The following TLR6 variants were observed in gnomAD, a reference collection of about 807,000 sequenced individuals.
TLR6 encodes the protein toll like receptor 6.
TLR6 carries 9 observed loss-of-function variants against 16.1 expected under a neutral mutation model. The ratio of observed to expected loss-of-function variants is 0.56; its 90% CI spans 0.34 to 0.98. The LOEUF (loss-of-function observed/expected upper bound fraction) is 0.98, where lower values mean the gene tolerates loss of function less well. Among genes scored for constraint, TLR6 ranks in the 50% least tolerant of loss-of-function variants. The pLI, the probability that TLR6 is intolerant of heterozygous loss-of-function variation, is 0.02. For synonymous variants in TLR6, 340 were observed against 338.6 expected (o/e 1.00, Z -0.04); for missense variants, 786 against 921.0 (o/e 0.85, Z 1.90).
chr4:38,855,994 A>G (rs1044437355), intron 1 of TLR6, among the ~76,000 whole-genome samples: 1 of 151,800 alleles, frequency 6.6e-6, no homozygotes, highest in East Asian at 1.9e-4. Context: ...ACTACAAGGA[A>G]GAAGAGAGCA....
At chr4:38,850,587 T>G (rs80319965) in intron 1 of TLR6, among the ~76,000 whole-genome samples, 4,732 of 152,106 alleles carry the variant, frequency 0.031, 217 homozygotes, top group African/African-American at 0.087. Context: ...TACCATCAGA[T>G]AATACTATAA....
At chr4:38,852,387 A>C (rs1295769411) in intron 1 of TLR6, among the ~76,000 whole-genome samples, 4 of 152,310 alleles carry the variant, frequency 2.6e-5, no homozygotes, top group Non-Finnish European at 5.9e-5. Context: ...AATGGGATCT[A>C]ATTAAACTAA....
upstream of TLR6, among the ~76,000 whole-genome samples, chr4:38,858,837 A>G (rs867736144): frequency 0.022 from 619 of 27,790 alleles, 3 homozygotes; most frequent in Middle Eastern, 0.067. Flanking sequence ...GAGAGGAAGA[A>G]AGAAAGAAAG....
At chr4:38,830,146 A>G (rs5743806) in intron 1 of TLR6, among the ~76,000 whole-genome samples, 61,183 of 152,084 alleles carry the variant, frequency 0.4, 13,709 homozygotes, top group African/African-American at 0.61. Flanking sequence ...TGAAGGCTAA[A>G]GCAGAGCTGT....
At chr4:38,823,278 A>G (rs956678925), downstream of TLR6, among the ~76,000 whole-genome samples, 1 of 152,232 alleles carries the variant, frequency 6.6e-6, no homozygotes, top group Non-Finnish European at 1.5e-5. Context: ...ATGTTTGGAT[A>G]CACAAATACT....
At chr4:38,864,629 G>A in the TLR6 span, among the ~76,000 whole-genome samples, 3 of 152,230 alleles carry the variant, frequency 2.0e-5, no homozygotes, top group African/African-American at 7.2e-5. Context: ...GTTAACAAGT[G>A]TACAGGATGT....
chr4:38,829,638 T>C (rs1018665730), intron 1 of TLR6, 101 bp from the exon 2 acceptor site: 1 of 572,042 alleles, frequency 1.7e-6, no homozygotes, highest in African/African-American at 1.9e-5. Flanking sequence ...CATTCACTAG[T>C]AGAGTCATTT....
chr4:38,844,618 A>C (rs1050911966), intron 1 of TLR6, among the ~76,000 whole-genome samples: 1 of 152,230 alleles, frequency 6.6e-6, no homozygotes, highest in African/African-American at 2.4e-5. Flanking sequence ...CATATGTCTA[A>C]GTCTCTAGAG....
intron 1 of TLR6, among the ~76,000 whole-genome samples, chr4:38,840,015 C>A (rs534593757): frequency 6.6e-6 from 1 of 152,326 alleles, no homozygotes; most frequent in South Asian, 2.1e-4. Flanking sequence ...TAATGTCCAA[C>A]TGAATCCTCA....
chr4:38,848,948 C>A (rs6531676), intron 1 of TLR6, among the ~76,000 whole-genome samples: 4 of 151,926 alleles, frequency 2.6e-5, no homozygotes, highest in African/African-American at 4.8e-5. Flanking sequence ...GATACTCCTC[C>A]AGAAGAGCAA....
Position 38,837,019 on chromosome 4 carries a change from T to C in TLR6, c.-64-7482A>G, listed in dbSNP as rs577773304. On this transcript the variant is annotated intron_variant, in intron 1 of 1. Coordinates refer to ENST00000436693, the Ensembl canonical transcript of TLR6. ...ACAAGACAATTACAATACCTAGGAA[T>C]AAACTTAATCAAGAAGGCAAAAGGC... Among the ~76,000 whole-genome samples the C allele has an allele frequency of 4.0e-5, 6 of 149,356 alleles. No individual in the cohort carries two copies. The South Asian group carries it at 1.3e-3, about 31-fold the overall frequency.
chr4:38,827,202 G>C, exon 2 of TLR6: 1 of 1,614,130 alleles, frequency 6.2e-7, no homozygotes, highest in Non-Finnish European at 8.5e-7. Context: ...AAATAAGTCC[G>C]CTGCGTCATG....
chr4:38,867,729 G>GCCC, the TLR6 span: 1 of 151,036 alleles, frequency 6.6e-6, no homozygotes, highest in Non-Finnish European at 1.5e-5. Flanking sequence ...GCGGGGCGGG[G>GCCC]CCCCCTCTCC....
chr4:38,857,589 C>T (rs1173730110), upstream of TLR6, among the ~76,000 whole-genome samples: 3 of 151,956 alleles, frequency 2.0e-5, no homozygotes, highest in African/African-American at 7.3e-5. Context: ...CTGCAAAGGA[C>T]AGAAGGCATG....
At chr4:38,850,346 A>G (rs1712714989) in intron 1 of TLR6, among the ~76,000 whole-genome samples, 1 of 152,186 alleles carries the variant, frequency 6.6e-6, no homozygotes. Context: ...AAACATATTG[A>G]AAAGCTAGCA....
At chr4:38,854,467 A>G (rs2109474852) in intron 1 of TLR6, among the ~76,000 whole-genome samples, 1 of 152,362 alleles carries the variant, frequency 6.6e-6, no homozygotes, top group African/African-American at 2.4e-5. Flanking sequence ...ATATTTAAGC[A>G]TAAAAAGAGG....
upstream of TLR6, among the ~76,000 whole-genome samples, chr4:38,858,832 G>GAAAGAAAGA (rs1713115000): frequency 2.0e-5 from 1 of 50,868 alleles, no homozygotes; most frequent in African/African-American, 1.3e-4. Context: ...AGAGAGAGAG[G>GAAAGAAAGA]AAGAAAGAAA....
At chr4:38,840,196 G>A (rs1448409951) in intron 1 of TLR6, among the ~76,000 whole-genome samples, 1 of 152,226 alleles carries the variant, frequency 6.6e-6, no homozygotes, top group East Asian at 1.9e-4. Flanking sequence ...GAAAAATTTA[G>A]TTTAAAAATA....
At chr4:38,835,485 A>C (rs1388156232) in intron 1 of TLR6, among the ~76,000 whole-genome samples, 1 of 152,266 alleles carries the variant, frequency 6.6e-6, no homozygotes, top group Admixed American at 6.5e-5. Context: ...ATATTATTAG[A>C]TCAAAAGAGA....
Sources: gnomAD v4.1 joint callset for allele counts (sites outside exome capture counted in the v4.1 genomes callset) on GRCh38, gnomAD v4.1.1 for gene constraint, MANE v1.5 for transcripts, NCBI Gene and HGNC (gene_info 2026-07-23, HGNC 2026-07-21) for gene names.